ZNF133: variants seen among roughly 807,000 people sequenced by gnomAD.
ZNF133 encodes the protein zinc finger protein 133, also known as zinc finger protein 133 (clone pHZ-13).
In ZNF133, 26 loss-of-function variants were observed where a neutral mutation model predicts 54.9. That is an observed-to-expected ratio of 0.47 (90% CI 0.35 to 0.66). The LOEUF (loss-of-function observed/expected upper bound fraction) is 0.66, where lower values mean the gene tolerates loss of function less well. Among genes scored for constraint, ZNF133 ranks in the 30% least tolerant of loss-of-function variants. ZNF133 has a pLI of 0.01. For missense variants in ZNF133, 653 were observed against 820.8 expected (o/e 0.80, Z 2.50); for synonymous variants, 298 against 320.3 (o/e 0.93, Z 0.74).
chr20:18,315,436 C>A lies in ZNF133; in HGVS notation c.585C>A (p.Asn195Lys), dbSNP rs144953543. 5 of 1,614,154 alleles carry A rather than the reference C, an allele frequency of 3.1e-6. No individual in the cohort carries two copies. The African/African-American group carries it at 4.0e-5, about 13-fold the overall frequency. ...ELEASPAQSG[N>K]PEETDKLLKR... is the part of the protein sequence containing the mutation. ...AAGCCAGCCCAGCTCAGTCAGGGAA[C>A]CCTGAGGAAACAGACAAATTGTTGA... The change falls in exon 7 of 7, where the codon AAC (asparagine) becomes AAA (lysine). Residue 195 changes from asparagine to lysine, a missense_variant. Physicochemically the swap from Asn to Lys is moderately conservative, Grantham distance 94. Coordinates refer to ENST00000425686, the MANE Select transcript of ZNF133 (RefSeq NM_001352452.2).
chr20:18,308,425 C>T (rs142213004), intron 6 of ZNF133, among the ~76,000 whole-genome samples: 3 of 152,086 alleles, frequency 2.0e-5, no homozygotes, highest in African/African-American at 4.8e-5. Flanking sequence ...TCTCCACAGT[C>T]GTAATTTATA....
intron 6 of ZNF133, among the ~76,000 whole-genome samples, chr20:18,310,757 G>GAT (rs2045714239): frequency 6.6e-6 from 1 of 151,964 alleles, no homozygotes; most frequent in African/African-American, 2.4e-5. Flanking sequence ...GTAGATTTTG[G>GAT]GTGTTCTCAT....
rs375902854 is a variant in ZNF133, at chr20:18,315,589, A to T, written c.738A>T (p.Val246=). ...GGGAGAAGCCCTACGTGTGTGGGGT[A>T]TGTGAGAAGGGCTTCAGCCTAAAGA... ...HSGEKPYVCG[V]CEKGFSLKKS... Residue 246 remains valine (V), a synonymous_variant, in exon 7 of 7, where the codon GTA becomes GTT. Coordinates refer to ENST00000425686, the MANE Select transcript of ZNF133 (RefSeq NM_001352452.2). The T allele has an allele frequency of 2.1e-5, 34 of 1,612,078 alleles. No individual in the cohort carries two copies. In the African/African-American group the frequency reaches 3.6e-4, roughly 17 times the overall value.
intron 6 of ZNF133, chr20:18,313,324 A>G (rs2046537751): frequency 6.6e-6 from 1 of 152,246 alleles, no homozygotes. Flanking sequence ...AGGCGCTTCT[A>G]TAATTCTGAA....
chr20:18,294,952 G>A (rs180791437), intron 1 of ZNF133, among the ~76,000 whole-genome samples: 1 of 152,258 alleles, frequency 6.6e-6, no homozygotes. Flanking sequence ...ATCAAGTTAA[G>A]GTCCTCATGG....
chr20:18,310,098 C>G (rs2045532236), intron 6 of ZNF133: 1 of 1,237,820 alleles, frequency 8.1e-7, no homozygotes, highest in African/African-American at 1.6e-5. Context: ...TAACAAGCAG[C>G]TTACCTATCA....
At position 18,298,472 on chromosome 20, in the gene ZNF133, A is replaced by T; in HGVS notation, c.-178+8A>T. ...GGGAAGGAAGCATGGAGGGTAAGTC[A>T]CAGCTAATTTTAGCTCTTAGTATAG... On this transcript the variant is annotated splice_region_variant and intron_variant, in intron 3 of 6. Transcript: ENST00000425686. 3.0e-6 allele frequency: 1 copy of T among 337,936 alleles called. No individual in the cohort carries two copies. The highest frequency in any genetic ancestry group is 4.4e-6 in the Non-Finnish European group (1 of 229,776). 20.9% of individuals were successfully genotyped at this position (337,936 alleles called of 1,614,324 possible).
intron 3 of ZNF133, among the ~76,000 whole-genome samples, chr20:18,300,783 C>A (rs1426010326): frequency 6.6e-6 from 1 of 151,944 alleles, no homozygotes; most frequent in Non-Finnish European, 1.5e-5. Context: ...TACACATATA[C>A]CTCATAACAG....
chr20:18,303,139 C>G (rs1040970994), intron 3 of ZNF133, among the ~76,000 whole-genome samples: 2 of 151,972 alleles, frequency 1.3e-5, no homozygotes, highest in Non-Finnish European at 2.9e-5. Flanking sequence ...CTCCACCCCC[C>G]AGGTTCAAGC....
intron 6 of ZNF133, chr20:18,312,718 A>AT (rs1370406519): frequency 7.7e-6 from 1 of 129,070 alleles, no homozygotes; most frequent in Admixed American, 7.4e-5. Context: ...AATTTTATTT[A>AT]TTTTTTATTT....
Position 18,315,122 on chromosome 20 carries a change from A to G in ZNF133, c.271A>G (p.Ser91Gly), listed in dbSNP as rs2047162571. 2 of 1,574,698 alleles carry G rather than the reference A, an allele frequency of 1.3e-6. No homozygotes were observed. Among genetic ancestry groups the G allele is most frequent in the Non-Finnish European group, 8.6e-7 (1 of 1,159,838 alleles). Residue 91 changes from serine to glycine, a missense_variant, in exon 7 of 7, where the codon AGT becomes GGT. Coordinates refer to ENST00000425686, the MANE Select transcript of ZNF133 (RefSeq NM_001352452.2). ...TCCTTTCTGCCCTCCGGGTTTCTCC[A>G]GTCAGAAATTCCCCATGCAGCATGT... The part of the protein sequence containing the change: ...LDPFCPPGFS[S>G]QKFPMQHVLC...
rs2047211497 is a variant in ZNF133, at chr20:18,315,355, G to C, written c.504G>C (p.Arg168Ser). The change falls in exon 7 of 7, where the codon AGG (arginine) becomes AGC (serine). Residue 168 changes from arginine to serine, a missense_variant. Around this residue, in one of 4 missense-constraint regions of ZNF133, gnomAD observed 227 missense variants for 233.9 expected, o/e 0.97. Coordinates refer to ENST00000425686, the MANE Select transcript of ZNF133 (RefSeq NM_001352452.2). ...AAAGGACTCTGGGAGCGTTCTCCAG[G>C]CCACCCCAGAGGCAGCCAGTCAGCT... Reference protein sequence around the residue: ...TKKRTLGAFSRPPQRQPVSSR... With the variant: ...TKKRTLGAFSSPPQRQPVSSR... 1 of 1,614,054 alleles carries C rather than the reference G, an allele frequency of 6.2e-7. No individual in the cohort carries two copies. The highest frequency in any genetic ancestry group is 8.5e-7 in the Non-Finnish European group (1 of 1,180,046).
intron 2 of ZNF133, 61 bp downstream of exon 2, chr20:18,298,123 C>T (rs2042613076): frequency 7.2e-6 from 11 of 1,534,538 alleles, no homozygotes; most frequent in Non-Finnish European, 9.6e-6. Flanking sequence ...CTTCTCTTAC[C>T]CTGACTGCCT....
rs895932264 is a variant in ZNF133, at chr20:18,298,288, G to C, written c.-353-1G>C. On this transcript the variant is annotated splice_acceptor_variant, in intron 2 of 6. Transcript: ENST00000425686. LOFTEE classifies it low-confidence loss of function (5UTR_SPLICE). The stretch of plus-strand genomic sequence containing the variant: ...GATAGAGTCTGCATTTCTTTGTTCA[G>C]CTTCAAAAGTTCTGCTGCCTGAGAG... 16 of 1,357,808 alleles carry C rather than the reference G, an allele frequency of 1.2e-5. No homozygotes were observed. The South Asian group carries it at 2.8e-4, about 23-fold the overall frequency. 84.1% of individuals were successfully genotyped at this position (1,357,808 alleles called of 1,614,324 possible). A position where few individuals can be genotyped will look rare whatever the true frequency, so the allele number is the denominator to read the frequency against.
Position 18,315,740 on chromosome 20 carries a change from C to G in ZNF133, c.889C>G (p.Pro297Ala), listed in dbSNP as rs746917556. 6.2e-7 allele frequency: 1 copy of G among 1,613,924 alleles called. No individual in the cohort carries two copies. Among genetic ancestry groups the G allele is most frequent in the Non-Finnish European group, 8.5e-7 (1 of 1,179,986 alleles). Residue 297 changes from proline (P) to alanine (A), a missense_variant, in exon 7 of 7, where the codon CCT (proline) becomes GCT (alanine). Transcript: ENST00000425686. The stretch of plus-strand genomic sequence containing the variant: ...CGAACGGACACACTCCGGTGAGAAA[C>G]CTTACATGTGCAGTGAGTGTGGGCG... Reference protein sequence around the residue: ...IHERTHSGEKPYMCSECGRGF... With the variant: ...IHERTHSGEKAYMCSECGRGF...
chr20:18,310,199 C>A, intron 6 of ZNF133: 1 of 1,442,882 alleles, frequency 6.9e-7, no homozygotes, highest in Non-Finnish European at 9.0e-7. Context: ...TGATGTTGAG[C>A]ACATTAAAAA....
rs946174021 is a variant in ZNF133, at chr20:18,299,095, A to G, written c.-178+631A>G. On this transcript the variant is annotated intron_variant, in intron 3 of 6. Transcript: ENST00000425686. ...GGAAAATATGACCCATTCAAAGGGG[A>G]AAAAAAATGAATAAACTGAAAACAT... Among the ~76,000 whole-genome samples the G allele has an allele frequency of 5.3e-5, 8 of 152,080 alleles. No homozygotes were observed. The Middle Eastern group carries it at 0.01, about 194-fold the overall frequency.
intron 1 of ZNF133, among the ~76,000 whole-genome samples, chr20:18,294,572 A>T (rs991021561): frequency 2.0e-5 from 3 of 152,150 alleles, no homozygotes; most frequent in African/African-American, 7.2e-5. Flanking sequence ...AGGTATGGGA[A>T]TTGATATTTG....
chr20:18,304,986 C>G (rs2044277878), intron 3 of ZNF133, 22 bp from the exon 4 acceptor site: 1 of 985,016 alleles, frequency 1.0e-6, no homozygotes, highest in Admixed American at 6.1e-5. Context: ...TCTTAGAAAC[C>G]CCTTTCTAAT....
Sources: allele counts gnomAD v4.1 joint callset (sites outside exome capture counted in the v4.1 genomes callset), GRCh38; gene constraint gnomAD v4.1.1; regional missense constraint gnomAD v4.1.1; transcripts MANE v1.5; gene names NCBI Gene and HGNC (gene_info 2026-07-23, HGNC 2026-07-21).